Variants in RGS8 observed in about 807,000 individuals in gnomAD.
The protein encoded by RGS8 is regulator of G protein signaling 8.
RGS8 carries 8 observed loss-of-function variants against 21.7 expected under a neutral mutation model. The ratio of observed to expected loss-of-function variants is 0.37; its 90% CI spans 0.22 to 0.66. RGS8 has a LOEUF of 0.66. Among genes scored for constraint, RGS8 ranks in the 30% least tolerant of loss-of-function variants. The pLI, the probability that RGS8 is intolerant of heterozygous loss-of-function variation, is 0.59. For missense variants in RGS8, 157 were observed against 217.9 expected (o/e 0.72, Z 1.76); for synonymous variants, 80 against 83.6 (o/e 0.96, Z 0.24).
chr1:182,735,629 G>C, the RGS8 span, among the ~76,000 whole-genome samples: 3 of 152,142 alleles, frequency 2.0e-5, no homozygotes, highest in Non-Finnish European at 4.4e-5. Context: ...ACAACACAGG[G>C]CTTCACCTTC....
At chr1:182,642,419 A>G (rs1030506397), downstream of RGS8, 4 of 152,426 alleles carry the variant, frequency 2.6e-5, no homozygotes, top group African/African-American at 9.6e-5. Context: ...GGGTGCAGAC[A>G]GGGTCAGGAG....
chr1:182,670,949 C>T (rs1571345216), intron 2 of RGS8, among the ~76,000 whole-genome samples: 4 of 152,242 alleles, frequency 2.6e-5, no homozygotes, highest in Admixed American at 2.6e-4. Context: ...GCACCTAGGC[C>T]TCTTGCTGTG....
At chr1:182,703,573 C>T in the RGS8 span, among the ~76,000 whole-genome samples, 1 of 152,186 alleles carries the variant, frequency 6.6e-6, no homozygotes, top group African/African-American at 2.4e-5. Flanking sequence ...CATCCTTCTA[C>T]CTTCTACCTC....
chr1:182,705,795 C>T, the RGS8 span, among the ~76,000 whole-genome samples: 2 of 152,060 alleles, frequency 1.3e-5, no homozygotes, highest in Non-Finnish European at 2.9e-5. Context: ...CCAGAAATGG[C>T]GTTTGTGCCC....
At chr1:182,699,351 T>A in the RGS8 span, among the ~76,000 whole-genome samples, 3 of 152,136 alleles carry the variant, frequency 2.0e-5, no homozygotes, top group African/African-American at 7.2e-5. Context: ...TGGAAGGGGA[T>A]GGAGTGTAGA....
upstream of RGS8, among the ~76,000 whole-genome samples, chr1:182,684,859 G>C (rs983800022): frequency 1.3e-5 from 2 of 152,194 alleles, no homozygotes; most frequent in Admixed American, 6.5e-5. This position sits in a 1 kb window ranked among gnomAD's most constrained non-coding sequence, Gnocchi z 4.2. Context: ...GAGGCGAAAC[G>C]GGGTAACTGG....
chr1:182,728,216 G>C, the RGS8 span, among the ~76,000 whole-genome samples: 2 of 152,156 alleles, frequency 1.3e-5, no homozygotes, highest in South Asian at 4.1e-4. Context: ...AAGCTGAATA[G>C]CATATTCTGG....
At chr1:182,651,978 G>T (rs897635574) in intron 5 of RGS8, among the ~76,000 whole-genome samples, 1 of 152,236 alleles carries the variant, frequency 6.6e-6, no homozygotes, top group Non-Finnish European at 1.5e-5. Flanking sequence ...GGACCTGAGG[G>T]TCCGTAGGCC....
the RGS8 span, among the ~76,000 whole-genome samples, chr1:182,723,616 G>A: frequency 6.6e-6 from 1 of 152,194 alleles, no homozygotes; most frequent in African/African-American, 2.4e-5. Flanking sequence ...GTATGCTGCT[G>A]TTGGTCCCAC....
At chr1:182,678,542 G>A (rs750936302) in intron 1 of RGS8, among the ~76,000 whole-genome samples, 28 of 152,196 alleles carry the variant, frequency 1.8e-4, no homozygotes, top group Non-Finnish European at 2.9e-4. Context: ...TTTGTCCAAT[G>A]TCACATTTCT....
At chr1:182,697,281 G>A in the RGS8 span, among the ~76,000 whole-genome samples, 1 of 152,216 alleles carries the variant, frequency 6.6e-6, no homozygotes, top group African/African-American at 2.4e-5. Flanking sequence ...TCTAGAGTTT[G>A]AAATACTTGA....
At chr1:182,689,294 CA>C (rs765863404), upstream of RGS8, among the ~76,000 whole-genome samples, 78 of 150,624 alleles carry the variant, frequency 5.2e-4, no homozygotes, top group Admixed American at 4.6e-4. Flanking sequence ...CACACACACA[CA>C]CACACACACA....
At chr1:182,645,541 C>A (rs1662664067), downstream of RGS8, 2 of 152,196 alleles carry the variant, frequency 1.3e-5, no homozygotes, top group Admixed American at 1.3e-4. Context: ...GGAAGGTTGT[C>A]CACGTCCAGA....
chr1:182,653,525 C>G (rs898647494), intron 5 of RGS8, among the ~76,000 whole-genome samples: 1 of 151,900 alleles, frequency 6.6e-6, no homozygotes, highest in African/African-American at 2.4e-5. Context: ...GAAACCCCAT[C>G]TCTACTAAAA....
At chr1:182,648,869 G>A (rs1662843017) in intron 5 of RGS8, among the ~76,000 whole-genome samples, 2 of 152,186 alleles carry the variant, frequency 1.3e-5, no homozygotes, top group African/African-American at 4.8e-5. Flanking sequence ...GGGAGGCAGA[G>A]GCAGGTGGAT....
the RGS8 span, among the ~76,000 whole-genome samples, chr1:182,698,811 G>A: frequency 1.3e-5 from 2 of 152,150 alleles, no homozygotes; most frequent in Non-Finnish European, 2.9e-5. Flanking sequence ...TCATCATTTT[G>A]TTTAACCTTG....
chr1:182,724,521 G>C, the RGS8 span, among the ~76,000 whole-genome samples: 1 of 151,806 alleles, frequency 6.6e-6, no homozygotes, highest in East Asian at 1.9e-4. Context: ...AATATGTAAG[G>C]AGGAGGCTTT....
the RGS8 span, among the ~76,000 whole-genome samples, chr1:182,724,087 T>C: frequency 1.3e-5 from 2 of 150,428 alleles, no homozygotes; most frequent in Admixed American, 6.6e-5. Context: ...TTTGAGTCAG[T>C]GGGCTGGGAA....
At chr1:182,669,748 C>G (rs1664060753) in exon 3 of RGS8, 1 of 1,592,648 alleles carries the variant, frequency 6.3e-7, no homozygotes, top group Admixed American at 1.7e-5. Context: ...TGCACGTCCT[C>G]TCACCTAAAA....
Sources: allele counts gnomAD v4.1 joint callset (sites outside exome capture counted in the v4.1 genomes callset), GRCh38; gene constraint gnomAD v4.1.1; non-coding constraint Gnocchi (gnomAD v3.1); transcripts MANE v1.5; gene names NCBI Gene and HGNC (gene_info 2026-07-23, HGNC 2026-07-21).